The following SLCO2A1 variants were observed in gnomAD, a reference collection of about 807,000 sequenced individuals.
The protein encoded by SLCO2A1 is matrin F/G 1.
A neutral mutation model predicts 71.7 loss-of-function variants in SLCO2A1; 60 were observed. That is an observed-to-expected ratio of 0.84 (90% confidence interval 0.68 to 1.04). The LOEUF is 1.04. Among genes scored for constraint, SLCO2A1 ranks in the 50% least tolerant of loss-of-function variants. The pLI is 0.00. For synonymous variants in SLCO2A1, 308 were observed against 326.7 expected (o/e 0.94, Z 0.62); for missense variants, 745 against 813.4 (o/e 0.92, Z 1.02).
Position 133,948,423 on chromosome 3 carries a change from C to T in SLCO2A1, c.1105+113G>A, listed in dbSNP as rs113215923. The T allele has an allele frequency of 1.8e-3, 2,035 of 1,128,178 alleles. 29 individuals carry two copies. The African/African-American group carries it at 0.024, about 13-fold the overall frequency. The allele number at this position is 1,128,178 out of a possible 1,614,324, so 69.9% of individuals were successfully genotyped here. A position where few individuals can be genotyped will look rare whatever the true frequency, so the allele number is the denominator to read the frequency against. ...TTCTTTCTCCTGGGCAGTCCTCCTCCGGACCCTGCCTATGTCCGGTCTGGC... is the reference window on the plus strand; with the variant it reads ...TTCTTTCTCCTGGGCAGTCCTCCTCTGGACCCTGCCTATGTCCGGTCTGGC... On this transcript the variant is annotated intron_variant, in intron 8 of 13. Coordinates refer to ENST00000310926, the MANE Select transcript of SLCO2A1 (RefSeq NM_005630.3).
At chr3:133,989,889 C>G (rs563526815) in intron 1 of SLCO2A1, among the ~76,000 whole-genome samples, 1 of 152,332 alleles carries the variant, frequency 6.6e-6, no homozygotes, top group South Asian at 2.1e-4. Flanking sequence ...TTTAATAGTT[C>G]TATCAGTATT....
intron 1 of SLCO2A1, among the ~76,000 whole-genome samples, chr3:133,993,283 A>G (rs1215279080): frequency 6.6e-6 from 1 of 151,946 alleles, no homozygotes; most frequent in East Asian, 1.9e-4. Flanking sequence ...TGAAGGGGTA[A>G]GGGAAATATC....
At position 134,026,390 on chromosome 3, in the gene SLCO2A1, A is replaced by G. The variant is rs183850130; in HGVS notation, c.96+3317T>C. ...CATAGAGCTTACGCCAAATTACCTG[A>G]CCAGTAGGCAGGTAGTTTTGTTATT... On this transcript the variant is annotated intron_variant, in intron 1 of 13. Coordinates refer to ENST00000310926, the MANE Select transcript of SLCO2A1 (RefSeq NM_005630.3). Among the ~76,000 whole-genome samples, 5 of 151,066 alleles carry G rather than the reference A, an allele frequency of 3.3e-5. No individual in the cohort carries two copies. The East Asian group carries it at 9.7e-4, about 29-fold the overall frequency.
chr3:133,985,119 A>G (rs942184411), intron 1 of SLCO2A1, among the ~76,000 whole-genome samples: 1 of 152,250 alleles, frequency 6.6e-6, no homozygotes, highest in African/African-American at 2.4e-5. Flanking sequence ...CGGTAGTCTG[A>G]GAACCCTAGA....
At chr3:134,022,601 T>C (rs1935614143) in intron 1 of SLCO2A1, among the ~76,000 whole-genome samples, 1 of 152,090 alleles carries the variant, frequency 6.6e-6, no homozygotes, top group Non-Finnish European at 1.5e-5. Context: ...TTAGCAAAAA[T>C]TATAAAAGGT....
intron 3 of SLCO2A1, among the ~76,000 whole-genome samples, chr3:133,958,856 C>T (rs1474398984): frequency 6.6e-6 from 1 of 152,182 alleles, no homozygotes; most frequent in Non-Finnish European, 1.5e-5. Flanking sequence ...TTCCCTAAAA[C>T]CTCAGGTTGT....
At chr3:133,959,917 A>G (rs1032951385) in intron 3 of SLCO2A1, among the ~76,000 whole-genome samples, 6 of 151,520 alleles carry the variant, frequency 4.0e-5, no homozygotes, top group East Asian at 3.9e-4. Flanking sequence ...TCAGGAGATC[A>G]AGACCATCCT....
At chr3:133,983,462 T>C (rs1410139210) in intron 1 of SLCO2A1, among the ~76,000 whole-genome samples, 1 of 152,234 alleles carries the variant, frequency 6.6e-6, no homozygotes, top group Non-Finnish European at 1.5e-5. Flanking sequence ...GCAACCTAAA[T>C]GTGGCCATTG....
chr3:133,986,405 C>T (rs562903455), intron 1 of SLCO2A1, among the ~76,000 whole-genome samples: 11 of 152,258 alleles, frequency 7.2e-5, no homozygotes, highest in South Asian at 2.1e-4. Flanking sequence ...TCTAGGTTGA[C>T]AAGGGCTGTG....
intron 1 of SLCO2A1, among the ~76,000 whole-genome samples, chr3:133,997,278 A>C (rs149845195): frequency 7.0e-4 from 106 of 152,302 alleles, no homozygotes; most frequent in African/African-American, 2.3e-3. Context: ...TGCTGAGGAC[A>C]TTCTCTGCCC....
In SLCO2A1 at chr3:133,957,166, C is replaced by T. The variant is rs545608127; in HGVS notation, c.398-1973G>A. The stretch of plus-strand genomic sequence containing the variant: ...ACCAACCACAACCCATCGCTGACGT[C>T]ACCGATCTTGCTCACTTAACACTGA... On this transcript the variant is annotated intron_variant, in intron 3 of 13. Transcript: ENST00000310926. 6.6e-5 allele frequency among the ~76,000 whole-genome samples: 10 copies of T among 152,338 alleles called. 1 individual carries two copies. The South Asian group carries it at 2.1e-3, about 32-fold the overall frequency.
intron 1 of SLCO2A1, among the ~76,000 whole-genome samples, chr3:133,992,200 G>C (rs1415490541): frequency 6.6e-6 from 1 of 152,144 alleles, no homozygotes; most frequent in Admixed American, 6.5e-5. Context: ...GCATAATTCT[G>C]TAGTGTTTGT....
chr3:133,966,965 T>C (rs768168702), intron 3 of SLCO2A1, among the ~76,000 whole-genome samples: 11 of 152,174 alleles, frequency 7.2e-5, no homozygotes, highest in African/African-American at 1.2e-4. Context: ...TCCCTCATTC[T>C]CAACACTGTT....
chr3:133,953,626 C>T (rs1170383196), intron 5 of SLCO2A1, 37 bp downstream of exon 5: 2 of 1,543,164 alleles, frequency 1.3e-6, no homozygotes, highest in South Asian at 2.2e-5. Context: ...CTTTATTGAG[C>T]TGGGGATGGG....
intron 1 of SLCO2A1, among the ~76,000 whole-genome samples, chr3:134,010,680 G>C (rs1935316796): frequency 6.7e-6 from 1 of 150,050 alleles, no homozygotes. Context: ...CTTGAACCTG[G>C]GAGGCAGAGG....
chr3:133,979,635 G>C lies in SLCO2A1; in HGVS notation c.97-17C>G. On this transcript the variant is annotated splice_polypyrimidine_tract_variant and intron_variant, in intron 1 of 13. Coordinates refer to ENST00000310926, the MANE Select transcript of SLCO2A1 (RefSeq NM_005630.3). ...CACAAACACCTGGGGGAAGAGTGATGGGCCCGTGAGGTTTCTGGACGACAA... is the reference window on the plus strand; with the variant it reads ...CACAAACACCTGGGGGAAGAGTGATCGGCCCGTGAGGTTTCTGGACGACAA... 6.3e-7 allele frequency: 1 copy of C among 1,585,766 alleles called. No homozygotes were observed. Among genetic ancestry groups the C allele is most frequent in the Non-Finnish European group, 8.6e-7 (1 of 1,166,280 alleles).
At chr3:134,029,633 G>A in intron 1 of SLCO2A1, 74 bp downstream of exon 1, 1 of 1,291,794 alleles carries the variant, frequency 7.7e-7, no homozygotes, top group Admixed American at 2.1e-5. Flanking sequence ...GGCTCCGGCA[G>A]ACAGAAGCGG....
intron 1 of SLCO2A1, among the ~76,000 whole-genome samples, chr3:134,020,963 T>C (rs1274951366): frequency 6.6e-6 from 1 of 152,078 alleles, no homozygotes; most frequent in Non-Finnish European, 1.5e-5. Flanking sequence ...GGATTGGTCT[T>C]GGGAACTTGC....
chr3:133,976,280 G>T (rs186396219), intron 2 of SLCO2A1, among the ~76,000 whole-genome samples: 1 of 152,354 alleles, frequency 6.6e-6, no homozygotes, highest in East Asian at 1.9e-4. Context: ...ATGCTTCCCA[G>T]ATTTCGTTTA....
Sources: allele counts gnomAD v4.1 joint callset (sites outside exome capture counted in the v4.1 genomes callset), GRCh38; gene constraint gnomAD v4.1.1; transcripts MANE v1.5; gene names NCBI Gene and HGNC (gene_info 2026-07-23, HGNC 2026-07-21).